The following KCNH5 variants were observed in gnomAD, a reference collection of about 807,000 sequenced individuals.
KCNH5 encodes potassium voltage-gated channel subfamily H member 5.
In KCNH5, 46 loss-of-function variants were observed where a neutral mutation model predicts 96.1. The observed-to-expected ratio is 0.48, with a 90% CI of 0.38 to 0.61. The LOEUF (loss-of-function observed/expected upper bound fraction) is 0.61, where lower values mean the gene tolerates loss of function less well. KCNH5 is among the 20% of genes least tolerant of loss of function. The probability of loss-of-function intolerance (pLI) is 0.00; values close to 1 mark genes in which losing one functional copy is unlikely to be tolerated. For synonymous variants in KCNH5, 439 were observed against 449.8 expected (o/e 0.98, Z 0.30); for missense variants, 907 against 1,225.8 (o/e 0.74, Z 3.88).
At chr14:62,912,706 A>G (rs1304486048) in intron 7 of KCNH5, among the ~76,000 whole-genome samples, 2 of 152,194 alleles carry the variant, frequency 1.3e-5, no homozygotes, top group Non-Finnish European at 2.9e-5. Flanking sequence ...GTACCTGGCC[A>G]TCTAGATTTC....
chr14:62,919,108 T>C (rs1889332018), intron 7 of KCNH5, among the ~76,000 whole-genome samples: 2 of 152,038 alleles, frequency 1.3e-5, no homozygotes, highest in African/African-American at 4.8e-5. Flanking sequence ...ACAAAAAGTG[T>C]AGTATAGTTT....
chr14:62,949,529 A>G (rs1040152318), intron 7 of KCNH5, among the ~76,000 whole-genome samples: 26 of 152,164 alleles, frequency 1.7e-4, no homozygotes, highest in Admixed American at 1.3e-4. Flanking sequence ...GGGGTATTCT[A>G]CTTCCAAGAA....
chr14:62,721,294 A>G (rs758863883), intron 10 of KCNH5, among the ~76,000 whole-genome samples: 12 of 152,196 alleles, frequency 7.9e-5, no homozygotes, highest in Non-Finnish European at 1.8e-4. Context: ...GGGCTAATAG[A>G]AAAAAGATTT....
chr14:62,926,325 C>T (rs371610602), intron 7 of KCNH5, among the ~76,000 whole-genome samples: 4 of 152,036 alleles, frequency 2.6e-5, no homozygotes, highest in African/African-American at 4.8e-5. Context: ...AAAAAGCTGC[C>T]GGTATCTCAA....
At chr14:62,924,955 T>C (rs1889445913) in intron 7 of KCNH5, among the ~76,000 whole-genome samples, 1 of 152,004 alleles carries the variant, frequency 6.6e-6, no homozygotes, top group Non-Finnish European at 1.5e-5. Context: ...TCTTAAGTAT[T>C]CTTACCACAC....
chr14:63,032,414 C>T (rs571924486), intron 1 of KCNH5, among the ~76,000 whole-genome samples: 74 of 152,270 alleles, frequency 4.9e-4, no homozygotes, highest in African/African-American at 1.7e-3. Context: ...TATCGACCCA[C>T]CCTTCACAGT....
At chr14:62,729,158 T>C (rs1884998424) in intron 10 of KCNH5, among the ~76,000 whole-genome samples, 1 of 152,196 alleles carries the variant, frequency 6.6e-6, no homozygotes, top group Non-Finnish European at 1.5e-5. Context: ...CTCAGTCACC[T>C]TATCTGGATC....
chr14:62,917,005 AATGCTAGAAATT>A (rs1889287889), intron 7 of KCNH5, among the ~76,000 whole-genome samples: 1 of 152,212 alleles, frequency 6.6e-6, no homozygotes, highest in Admixed American at 6.5e-5. Context: ...ATTTTCTAGA[AATGCTAGAAATT>A]AGAGTTTGAT....
intron 9 of KCNH5, among the ~76,000 whole-genome samples, chr14:62,796,697 G>C (rs143318169): frequency 6.6e-6 from 1 of 152,148 alleles, no homozygotes; most frequent in Non-Finnish European, 1.5e-5. Flanking sequence ...GGATGCACCC[G>C]TGACACATCC....
intron 7 of KCNH5, among the ~76,000 whole-genome samples, chr14:62,896,550 T>C (rs1888816845): frequency 6.6e-6 from 1 of 152,200 alleles, no homozygotes; most frequent in Non-Finnish European, 1.5e-5. Context: ...TCAAAATTCT[T>C]CCTAAGGTAG....
intron 1 of KCNH5, among the ~76,000 whole-genome samples, chr14:63,035,605 A>G (rs1891707896): frequency 6.6e-6 from 1 of 152,206 alleles, no homozygotes. Context: ...CAGAACTGAT[A>G]CTTCTTTTGC....
intron 7 of KCNH5, among the ~76,000 whole-genome samples, chr14:62,931,634 T>C (rs767819037): frequency 6.6e-6 from 1 of 152,044 alleles, no homozygotes; most frequent in African/African-American, 2.4e-5. Flanking sequence ...TAATTAACAA[T>C]CTGATATGCA....
At chr14:62,950,744 A>G (rs1330655103) in intron 6 of KCNH5, among the ~76,000 whole-genome samples, 185 bp from the exon 7 acceptor site, 2 of 152,172 alleles carry the variant, frequency 1.3e-5, no homozygotes, top group Admixed American at 1.3e-4. Context: ...AAAAATAGAT[A>G]TCTTCCTACC....
At chr14:62,937,098 C>T (rs1251032636) in intron 7 of KCNH5, among the ~76,000 whole-genome samples, 2 of 151,896 alleles carry the variant, frequency 1.3e-5, no homozygotes, top group East Asian at 1.9e-4. Flanking sequence ...GGCCACTTCA[C>T]AGAATGCTAG....
At chr14:62,810,124 T>C (rs117509947) in intron 8 of KCNH5, among the ~76,000 whole-genome samples, 4,839 of 152,236 alleles carry the variant, frequency 0.032, 150 homozygotes, top group South Asian at 0.082. Context: ...AGAACAAGCT[T>C]ACTGAATGAT....
chr14:62,777,859 T>TTGTGTGTGTG (rs56291938), intron 10 of KCNH5, among the ~76,000 whole-genome samples: 1 of 147,118 alleles, frequency 6.8e-6, no homozygotes, highest in Non-Finnish European at 1.5e-5. Context: ...GTATGTGTAT[T>TTGTGTGTGTG]TGTGTGTGTG....
chr14:62,800,687 C>T (rs1886642427), intron 9 of KCNH5, among the ~76,000 whole-genome samples: 1 of 151,910 alleles, frequency 6.6e-6, no homozygotes. Flanking sequence ...GTATTTTATC[C>T]TCTTCTTTAA....
rs143123435 is a variant in KCNH5, at chr14:62,882,100, TAA to T, written c.1370-32250_1370-32249del. ...GCTAACATAGAGAAACCCCATTTCT[TAA>T]AAAAAAAAAAAAAAAAAAAAAAAAA... On this transcript the variant is annotated intron_variant, in intron 7 of 10. Transcript: ENST00000322893. Among the ~76,000 whole-genome samples the T allele has an allele frequency of 3.3e-3, 254 of 76,634 alleles. 4 individuals are homozygous for T. Among genetic ancestry groups the T allele is most frequent in the African/African-American group, 6.6e-3 (111 of 16,924 alleles). The allele number at this position is 76,634 out of a possible 152,430, so 50.3% of individuals were successfully genotyped here. A position where few individuals can be genotyped will look rare whatever the true frequency, so the allele number is the denominator to read the frequency against.
intron 6 of KCNH5, among the ~76,000 whole-genome samples, chr14:62,970,517 A>G (rs1177920040): frequency 2.0e-5 from 3 of 152,214 alleles, no homozygotes; most frequent in Non-Finnish European, 4.4e-5. Flanking sequence ...TACCAAAACC[A>G]GACAAAGACA....
Sources: gnomAD v4.1 joint callset for allele counts (sites outside exome capture counted in the v4.1 genomes callset) on GRCh38, gnomAD v4.1.1 for gene constraint, MANE v1.5 for transcripts, NCBI Gene and HGNC (gene_info 2026-07-23, HGNC 2026-07-21) for gene names.